The following SEMA6D variants were observed in gnomAD, a reference collection of about 807,000 sequenced individuals.
The protein encoded by SEMA6D is semaphorin-6D.
Under a neutral mutation model 106.6 loss-of-function variants are expected in SEMA6D, and 35 were observed. That is an observed-to-expected ratio of 0.33 (90% CI 0.25 to 0.44). SEMA6D has a LOEUF of 0.44. Among genes scored for constraint, SEMA6D ranks in the 20% least tolerant of loss-of-function variants. The probability of loss-of-function intolerance (pLI) is 1.00; values close to 1 mark genes in which losing one functional copy is unlikely to be tolerated. For synonymous variants in SEMA6D, 499 were observed against 487.7 expected (o/e 1.02, Z -0.31); for missense variants, 1,185 against 1,345.9 (o/e 0.88, Z 1.87).
At chr15:47,348,717 A>ACACC (rs2038164415) in intron 1 of SEMA6D, among the ~76,000 whole-genome samples, 1 of 44,954 alleles carries the variant, frequency 2.2e-5, no homozygotes, top group African/African-American at 6.2e-5. Flanking sequence ...ACACACACAC[A>ACACC]CCACACACAC....
chr15:47,478,018 G>C (rs281319), intron 3 of SEMA6D, among the ~76,000 whole-genome samples: 152,296 of 152,298 alleles, frequency 1, 76,147 homozygotes, highest in Middle Eastern at 1. Context: ...ATAATATCAC[G>C]CAGCAATTCT....
chr15:47,513,570 C>T (rs1164547734), intron 3 of SEMA6D, among the ~76,000 whole-genome samples: 1 of 152,156 alleles, frequency 6.6e-6, no homozygotes, highest in African/African-American at 2.4e-5. Flanking sequence ...CTCCTATTAA[C>T]AGGGTAGCAG....
chr15:47,307,251 A>C (rs371340720), intron 1 of SEMA6D, among the ~76,000 whole-genome samples: 1 of 152,244 alleles, frequency 6.6e-6, no homozygotes, highest in Admixed American at 6.5e-5. Flanking sequence ...GTTACTGCAC[A>C]TTCATATTAA....
At chr15:47,468,187 G>A (rs1018810805) in intron 2 of SEMA6D, among the ~76,000 whole-genome samples, 3 of 152,050 alleles carry the variant, frequency 2.0e-5, no homozygotes, top group African/African-American at 7.2e-5. Context: ...GCGGGTGTGT[G>A]TGTGTGTATG....
At chr15:47,477,073 C>G (rs933831848) in intron 3 of SEMA6D, among the ~76,000 whole-genome samples, 6 of 151,990 alleles carry the variant, frequency 3.9e-5, no homozygotes, top group African/African-American at 1.5e-4. Context: ...TTCATTTAAC[C>G]AAAATGTATT....
At chr15:47,498,285 C>A (rs1481178140) in intron 3 of SEMA6D, among the ~76,000 whole-genome samples, 1 of 152,104 alleles carries the variant, frequency 6.6e-6, no homozygotes, top group Non-Finnish European at 1.5e-5. Flanking sequence ...AGAACTTATA[C>A]CTTATTCCTC....
intron 1 of SEMA6D, among the ~76,000 whole-genome samples, chr15:47,399,938 GTGT>G (rs2040342944): frequency 6.6e-6 from 1 of 152,194 alleles, no homozygotes; most frequent in Non-Finnish European, 1.5e-5. Flanking sequence ...ACACTGCAAA[GTGT>G]TGTTGGATCC....
In SEMA6D at chr15:47,772,549, A is replaced by G. The variant is rs1286044088; in HGVS notation, c.*764A>G. On this transcript the variant is annotated 3_prime_UTR_variant, in exon 19 of 19. Coordinates refer to ENST00000536845, the MANE Select transcript of SEMA6D (RefSeq NM_001358351.3). Reference sequence around the variant, plus strand: ...GAATAGAATCGAGGCTCCTTTGACCATCAAAATGATGAACTTTACTTATGT... The same window carrying G: ...GAATAGAATCGAGGCTCCTTTGACCGTCAAAATGATGAACTTTACTTATGT... 1.3e-5 allele frequency: 2 copies of G among 152,554 alleles called. No individual in the cohort carries two copies. Among genetic ancestry groups the G allele is most frequent in the Admixed American group, 6.6e-5 (1 of 15,262 alleles). The allele number at this position is 152,554 out of a possible 1,614,324, so 9.5% of individuals were successfully genotyped here.
chr15:47,606,932 C>T (rs2076794049), intron 4 of SEMA6D, among the ~76,000 whole-genome samples: 1 of 152,146 alleles, frequency 6.6e-6, no homozygotes, highest in Admixed American at 6.5e-5. Context: ...ACCACAGGAC[C>T]TGGGCTGCAC....
intron 2 of SEMA6D, among the ~76,000 whole-genome samples, chr15:47,437,250 GA>G (rs1312744223): frequency 1.3e-5 from 2 of 152,128 alleles, no homozygotes; most frequent in African/African-American, 4.8e-5. Context: ...TTATCAAAAG[GA>G]ACATCTAGCC....
At chr15:47,240,386 A>G (rs2032829775) in intron 1 of SEMA6D, among the ~76,000 whole-genome samples, 2 of 152,204 alleles carry the variant, frequency 1.3e-5, no homozygotes, top group South Asian at 4.1e-4. Flanking sequence ...TGAAGGAACT[A>G]TAATGGAGCT....
At chr15:47,372,788 T>C (rs969591726) in intron 1 of SEMA6D, among the ~76,000 whole-genome samples, 2 of 152,204 alleles carry the variant, frequency 1.3e-5, no homozygotes, top group African/African-American at 2.4e-5. Context: ...ATAAATGTTA[T>C]CCTACTGCCA....
At chr15:47,561,940 C>T (rs1005046165) in intron 3 of SEMA6D, among the ~76,000 whole-genome samples, 3 of 151,800 alleles carry the variant, frequency 2.0e-5, no homozygotes, top group Non-Finnish European at 2.9e-5. Flanking sequence ...TCCCAACAGA[C>T]TTTATAAATA....
chr15:47,263,106 C>G (rs2034154012), intron 1 of SEMA6D, among the ~76,000 whole-genome samples: 1 of 151,990 alleles, frequency 6.6e-6, no homozygotes, highest in Admixed American at 6.6e-5. Flanking sequence ...GGAAGATAAC[C>G]TAGGCAATAC....
At chr15:47,282,960 C>T (rs950486979) in intron 1 of SEMA6D, among the ~76,000 whole-genome samples, 1 of 152,142 alleles carries the variant, frequency 6.6e-6, no homozygotes, top group Non-Finnish European at 1.5e-5. Context: ...CAGCCAAGCT[C>T]CTTCATGTCC....
chr15:47,462,846 A>G (rs1451530132), intron 2 of SEMA6D, among the ~76,000 whole-genome samples: 1 of 152,092 alleles, frequency 6.6e-6, no homozygotes, highest in East Asian at 1.9e-4. Context: ...GGCTGAAATA[A>G]AGCTAAAACC....
rs200929379 is a variant in SEMA6D, at chr15:47,768,624, C to T, written c.1809C>T (p.Ile603=). The T allele has an allele frequency of 1.9e-6, 3 of 1,613,058 alleles. No individual in the cohort carries two copies. The highest frequency in any genetic ancestry group is 1.7e-5 in the Admixed American group (1 of 59,974). The change falls in exon 18 of 19, where the codon ATC becomes ATT. Residue 603 remains isoleucine (I), a synonymous_variant. Transcript: ENST00000536845. ...SSSSVTTMAS[I]PEITPKVIDT... ...CTTCTGTTACCACAATGGCAAGTAT[C>T]CCAGAAATCACACCTAAAGTGATTG...
At chr15:47,600,081 A>G (rs1313408223) in intron 3 of SEMA6D, among the ~76,000 whole-genome samples, 1 of 152,042 alleles carries the variant, frequency 6.6e-6, no homozygotes, top group Non-Finnish European at 1.5e-5. Flanking sequence ...ATTTTTAGTT[A>G]AGTCTTTCTA....
intron 1 of SEMA6D, 39 bp from the exon 2 acceptor site, chr15:47,759,706 G>T: frequency 5.6e-6 from 5 of 890,060 alleles, no homozygotes; most frequent in South Asian, 5.4e-5. Flanking sequence ...CCGCTTCATT[G>T]CAGCATAGAG....
Sources: gnomAD v4.1 joint callset for allele counts (sites outside exome capture counted in the v4.1 genomes callset) on GRCh38, gnomAD v4.1.1 for gene constraint, MANE v1.5 for transcripts, NCBI Gene and HGNC (gene_info 2026-07-23, HGNC 2026-07-21) for gene names.